The following CELF4 variants were observed in gnomAD, a reference collection of about 807,000 sequenced individuals.
CELF4 encodes CUGBP Elav-like family member 4, also known as CUG-BP- and ETR-3-like factor 4.
Under a neutral mutation model 59.9 loss-of-function variants are expected in CELF4, and 18 were observed. That is an observed-to-expected ratio of 0.30 (90% CI 0.21 to 0.45). The LOEUF is 0.45. CELF4 is among the 20% of genes least tolerant of loss of function. The pLI, the probability that CELF4 is intolerant of heterozygous loss-of-function variation, is 1.00. For synonymous variants in CELF4, 261 were observed against 267.1 expected (o/e 0.98, Z 0.22); for missense variants, 456 against 689.0 (o/e 0.66, Z 3.79).
At chr18:37,362,419 G>A (rs1008305681) in intron 2 of CELF4, among the ~76,000 whole-genome samples, 4 of 152,216 alleles carry the variant, frequency 2.6e-5, no homozygotes, top group African/African-American at 7.2e-5. Flanking sequence ...TGGCGATTCT[G>A]CAGCCCTGTT....
chr18:37,359,096 CA>C (rs1172097803), intron 2 of CELF4, among the ~76,000 whole-genome samples: 2 of 151,726 alleles, frequency 1.3e-5, no homozygotes, highest in African/African-American at 4.8e-5. Context: ...AGACTGTCTC[CA>C]AAAAAAACAA....
rs1228865773 is a variant in CELF4, at chr18:37,408,504, CG to C, written c.369+77020del. On this transcript the variant is annotated intron_variant, in intron 2 of 12. Transcript: ENST00000420428. Reference sequence around the variant, plus strand: ...CTTTGGTTGGTGCCGGGGGGGGGCGCGGTGCAGGAGGATGTGAGAGGAGGAA... The same window carrying C: ...CTTTGGTTGGTGCCGGGGGGGGGCGCGTGCAGGAGGATGTGAGAGGAGGAA... Among the ~76,000 whole-genome samples, 15 of 45,030 alleles carry C rather than the reference CG, an allele frequency of 3.3e-4. No homozygotes were observed. In the Admixed American group the frequency reaches 3.8e-3, roughly 11 times the overall value. 29.5% of individuals were successfully genotyped at this position (45,030 alleles called of 152,430 possible). A position where few individuals can be genotyped will look rare whatever the true frequency, so the allele number is the denominator to read the frequency against.
intron 1 of CELF4, among the ~76,000 whole-genome samples, chr18:37,523,225 C>T (rs1210196941): frequency 6.6e-6 from 1 of 152,138 alleles, no homozygotes; most frequent in Non-Finnish European, 1.5e-5. Context: ...ATCCAGAAGT[C>T]TTCAGAGGCT....
At chr18:37,425,900 T>TA (rs1470257675) in intron 2 of CELF4, among the ~76,000 whole-genome samples, 3 of 152,136 alleles carry the variant, frequency 2.0e-5, no homozygotes, top group Non-Finnish European at 4.4e-5. Flanking sequence ...GTGCTGGGGG[T>TA]AGCACCTCCA....
At chr18:37,356,504 TGGTGCTGGGAAGGCCAGA>T (rs1203266045) in intron 2 of CELF4, among the ~76,000 whole-genome samples, 1 of 148,864 alleles carries the variant, frequency 6.7e-6, no homozygotes, top group Admixed American at 6.6e-5. Flanking sequence ...GGAAGGCCAT[TGGTGCTGGGAAGGCCAGA>T]GGTGCTGGGG....
At chr18:37,323,699 C>G (rs185132405) in intron 2 of CELF4, among the ~76,000 whole-genome samples, 19 of 152,332 alleles carry the variant, frequency 1.2e-4, no homozygotes, top group African/African-American at 4.6e-4. Context: ...TAAGGACTGA[C>G]CTGGACCCAG....
Position 37,416,159 on chromosome 18 carries a change from C to T in CELF4, c.369+69366G>A, listed in dbSNP as rs180805733. ...ACAGGGCAAGGCAGAGCCCAGTGGT[C>T]CCTTGGGGCCATTTGAGGTCATCCA... On this transcript the variant is annotated intron_variant, in intron 2 of 12. Transcript: ENST00000420428. Among the ~76,000 whole-genome samples the T allele has an allele frequency of 5.3e-4, 80 of 151,872 alleles. 2 individuals are homozygous for T. The East Asian group carries it at 0.015, about 28-fold the overall frequency.
intron 1 of CELF4, among the ~76,000 whole-genome samples, chr18:37,537,728 A>G (rs1265633917): frequency 2.6e-5 from 4 of 152,192 alleles, no homozygotes; most frequent in African/African-American, 9.7e-5. Flanking sequence ...CTGAAAGTAA[A>G]CTAAAGAAAA....
Position 37,477,133 on chromosome 18 carries a change from G to A in CELF4, c.369+8392C>T, listed in dbSNP as rs545420537. Among the ~76,000 whole-genome samples the A allele has an allele frequency of 3.3e-5, 5 of 152,250 alleles. No individual in the cohort carries two copies. In the South Asian group the frequency reaches 6.2e-4, roughly 19 times the overall value. ...GCAGATGGGGAGCTGCCTCCCTCCCGCCCATCCTTGCTCTGGGTCAGTTCC... is the reference window on the plus strand; with the variant it reads ...GCAGATGGGGAGCTGCCTCCCTCCCACCCATCCTTGCTCTGGGTCAGTTCC... On this transcript the variant is annotated intron_variant, in intron 2 of 12. Transcript: ENST00000420428.
intron 2 of CELF4, among the ~76,000 whole-genome samples, chr18:37,424,495 G>T (rs982790775): frequency 3.9e-5 from 6 of 152,196 alleles, no homozygotes; most frequent in Non-Finnish European, 4.4e-5. Flanking sequence ...TGCCTTGGAG[G>T]GTCGTGGCCT....
At chr18:37,464,933 G>A (rs1254015215) in intron 2 of CELF4, among the ~76,000 whole-genome samples, 1 of 152,202 alleles carries the variant, frequency 6.6e-6, no homozygotes, top group Non-Finnish European at 1.5e-5. Flanking sequence ...AAATGGACAG[G>A]TCTGTGAGGA....
At chr18:37,495,999 G>A (rs749775887) in intron 1 of CELF4, among the ~76,000 whole-genome samples, 7 of 152,062 alleles carry the variant, frequency 4.6e-5, no homozygotes, top group Non-Finnish European at 7.4e-5. Flanking sequence ...ACACAGCCAA[G>A]CCATGCCTCC....
chr18:37,485,564 C>T lies in CELF4; in HGVS notation c.330G>A (p.Lys110=), dbSNP rs1362879875. 4 of 1,457,574 alleles carry T rather than the reference C, an allele frequency of 2.7e-6. No individual in the cohort carries two copies. Among genetic ancestry groups the T allele is most frequent in the Non-Finnish European group, 3.7e-6 (4 of 1,093,716 alleles). 90.3% of individuals were successfully genotyped at this position (1,457,574 alleles called of 1,614,324 possible). ...TCTGCTCGTGCAGCGCGCTCTGGGC[C>T]TTCAGCGCTGACTCACGCTCGCAGT... is the stretch of plus-strand genomic sequence containing the variant. ...LTYCERESAL[K]AQSALHEQKT... Residue 110 remains lysine (K), a synonymous_variant, in exon 2 of 13, where the codon AAG becomes AAA. Transcript: ENST00000420428.
chr18:37,454,191 GCAAATCA>G (rs1204878200), intron 2 of CELF4, among the ~76,000 whole-genome samples: 31 of 152,224 alleles, frequency 2.0e-4, no homozygotes, highest in Non-Finnish European at 2.2e-4. Flanking sequence ...AAGCAGAAAA[GCAAATCA>G]TATCCCTTTG....
intron 2 of CELF4, among the ~76,000 whole-genome samples, chr18:37,463,499 C>A (rs1020271101): frequency 9.9e-5 from 15 of 152,204 alleles, no homozygotes; most frequent in African/African-American, 3.6e-4. Flanking sequence ...TATCTCAAGG[C>A]CTAGAGAGAT....
chr18:37,427,307 G>C (rs957873078), intron 2 of CELF4, among the ~76,000 whole-genome samples: 1 of 152,146 alleles, frequency 6.6e-6, no homozygotes, highest in Non-Finnish European at 1.5e-5. Flanking sequence ...AATAGCACAG[G>C]TGGCTATGGT....
chr18:37,427,113 G>A (rs1485357071), intron 2 of CELF4, among the ~76,000 whole-genome samples: 1 of 152,098 alleles, frequency 6.6e-6, no homozygotes, highest in Admixed American at 6.5e-5. Flanking sequence ...GCGGGAGCCT[G>A]AGGAAGAAGG....
chr18:37,456,345 C>A (rs941475841), intron 2 of CELF4, among the ~76,000 whole-genome samples: 2 of 152,072 alleles, frequency 1.3e-5, no homozygotes, highest in Non-Finnish European at 1.5e-5. Context: ...TTGTTGAGAC[C>A]CTGAAAGGAC....
intron 2 of CELF4, among the ~76,000 whole-genome samples, chr18:37,377,814 T>C (rs1175244711): frequency 6.6e-6 from 1 of 152,098 alleles, no homozygotes; most frequent in Admixed American, 6.5e-5. Flanking sequence ...GGGGCAGGGC[T>C]GATGCCACTG....
Sources: allele counts gnomAD v4.1 joint callset (sites outside exome capture counted in the v4.1 genomes callset), GRCh38; gene constraint gnomAD v4.1.1; transcripts MANE v1.5; gene names NCBI Gene and HGNC (gene_info 2026-07-23, HGNC 2026-07-21).